Variants in PROM2 observed in about 807,000 individuals in gnomAD.
The protein encoded by PROM2 is prominin 2.
Under a neutral mutation model 110.2 loss-of-function variants are expected in PROM2, and 90 were observed. The ratio of observed to expected loss-of-function variants is 0.82; its 90% CI spans 0.69 to 0.97. The LOEUF (loss-of-function observed/expected upper bound fraction) is 0.97. PROM2 is among the 50% of genes least tolerant of loss of function. The pLI, the probability that PROM2 is intolerant of heterozygous loss-of-function variation, is 0.00. For synonymous variants in PROM2, 470 were observed against 467.8 expected, an observed-to-expected ratio of 1.00 and a Z score of -0.06; for missense variants, 1,009 against 1,074.8, an observed-to-expected ratio of 0.94 and a Z score of 0.86.
chr2:95,284,454 G>C (rs1206233913), intron 14 of PROM2, among the ~76,000 whole-genome samples: 1 of 151,274 alleles, frequency 6.6e-6, no homozygotes, highest in African/African-American at 2.4e-5. Context: ...TTGTGCTATT[G>C]CCCTCCAGCC....
chr2:95,276,551 G>T lies in PROM2; in HGVS notation c.619-43G>T. 6.2e-7 allele frequency: 1 copy of T among 1,613,452 alleles called. No individual in the cohort carries two copies. The highest frequency in any genetic ancestry group is 1.1e-5 in the South Asian group (1 of 91,054). ...AGGGAGAGAAGGGCGTAAGGACTGT[G>T]GGTGACCAGGAAGGGCAGCCTCAGG... is the stretch of plus-strand genomic sequence containing the variant. On this transcript the variant is annotated intron_variant, in intron 4 of 23. Coordinates refer to ENST00000317620, the MANE Select transcript of PROM2 (RefSeq NM_001165978.3). The surrounding 1 kb of genome is among the most constrained non-coding windows in gnomAD (Gnocchi z 4.6).
chr2:95,275,070 A>G lies in PROM2; in HGVS notation c.244+241A>G, dbSNP rs1676569154. On this transcript the variant is annotated intron_variant, in intron 1 of 23. Transcript: ENST00000317620. This position sits in a 1 kb window ranked among gnomAD's most constrained non-coding sequence, Gnocchi z 4.4. ...AGTGAGGAGGTTACATTGGAAATAC[A>G]TTAGACCTGACTCAGACATCCTCTT... 1.2e-5 allele frequency: 6 copies of G among 504,076 alleles called. No homozygotes were observed. The highest frequency in any genetic ancestry group is 2.0e-5 in the Non-Finnish European group (6 of 293,670). The allele number at this position is 504,076 out of a possible 1,614,324, so 31.2% of individuals were successfully genotyped here.
chr2:95,277,328 G>T lies in PROM2; in HGVS notation c.773-36G>T, dbSNP rs368223754. 4 of 1,573,808 alleles carry T rather than the reference G, an allele frequency of 2.5e-6. No individual in the cohort carries two copies. The African/African-American group carries it at 5.4e-5, about 21-fold the overall frequency. On this transcript the variant is annotated intron_variant, in intron 6 of 23. Transcript: ENST00000317620. The stretch of plus-strand genomic sequence containing the variant: ...CTGCAAGGCGTCTGGGGATGCATAT[G>T]GTGGACCCTGCTCAGGCTGGGTGTG...
Position 95,276,237 on chromosome 2 carries a change from G to T in PROM2, c.508G>T (p.Val170Phe). 6.2e-7 allele frequency: 1 copy of T among 1,613,980 alleles called. No individual in the cohort carries two copies. The highest frequency in any genetic ancestry group is 1.1e-5 in the South Asian group (1 of 91,084). The change falls in exon 4 of 24, where the codon GTC becomes TTC. Residue 170 changes from valine to phenylalanine, a missense_variant. By Grantham distance (50) the Val-to-Phe change is conservative. Coordinates refer to ENST00000317620, the MANE Select transcript of PROM2 (RefSeq NM_001165978.3). The surrounding 1 kb of genome is among the most constrained non-coding windows in gnomAD (Gnocchi z 4.6). The stretch of plus-strand genomic sequence containing the variant: ...CCTCCATTCCCACAGGATTGGTGTG[G>T]TCTGTGCCTTTGTCACCAACCAGCG... ...LTTLLLLIGV[V>F]CAFVTNQRTH...
At position 95,278,987 on chromosome 2, in the gene PROM2, C is replaced by T. The variant is rs777962866; in HGVS notation, c.1117C>T (p.Leu373=). ...AMQTSSVVQE[L]KKAVAQQPEG... ...CAAGTCCCTGTTACTTTGGGCAGAGCTGAAGAAGGCAGTGGCCCAGCAGCC... is the reference window on the plus strand; with the variant it reads ...CAAGTCCCTGTTACTTTGGGCAGAGTTGAAGAAGGCAGTGGCCCAGCAGCC... Residue 373 remains leucine, a splice_region_variant and synonymous_variant, in exon 10 of 24, where the codon CTG becomes TTG. Transcript: ENST00000317620. 6.2e-7 allele frequency: 1 copy of T among 1,602,686 alleles called. No individual in the cohort carries two copies. The highest frequency in any genetic ancestry group is 1.1e-5 in the South Asian group (1 of 89,036).
At position 95,274,722 on chromosome 2, in the gene PROM2, G is replaced by C. The variant is rs1285489983; in HGVS notation, c.137G>C (p.Arg46Thr). ...AEHLTFTPAA[R>T]ARWLAPRVRA... Reference sequence around the variant, plus strand: ...CACCTGACATTCACCCCAGCAGCCAGGGCCCGGTGGCTGGCCCCTCGAGTT... The same window carrying C: ...CACCTGACATTCACCCCAGCAGCCACGGCCCGGTGGCTGGCCCCTCGAGTT... The change falls in exon 1 of 24, where the codon AGG becomes ACG. Residue 46 changes from arginine to threonine, a missense_variant. By Grantham distance (71) the Arg-to-Thr change is moderately conservative. Coordinates refer to ENST00000317620, the MANE Select transcript of PROM2 (RefSeq NM_001165978.3). 1.9e-6 allele frequency: 3 copies of C among 1,612,388 alleles called. No individual in the cohort carries two copies. Among genetic ancestry groups the C allele is most frequent in the Non-Finnish European group, 2.5e-6 (3 of 1,179,930 alleles).
At chr2:95,289,065 G>A (rs773611512) in intron 23 of PROM2, 59 bp downstream of exon 23, 1 of 1,362,500 alleles carries the variant, frequency 7.3e-7, no homozygotes, top group Non-Finnish European at 1.0e-6. Context: ...AGTGGGGTGG[G>A]GAGGGGCTGG....
Position 95,278,982 on chromosome 2 carries a change from C to T in PROM2, c.1115-3C>T, listed in dbSNP as rs577775474. The stretch of plus-strand genomic sequence containing the variant: ...TCCCACAAGTCCCTGTTACTTTGGG[C>T]AGAGCTGAAGAAGGCAGTGGCCCAG... On this transcript the variant is annotated splice_polypyrimidine_tract_variant and splice_region_variant and intron_variant, in intron 9 of 23. Transcript: ENST00000317620. 1.9e-6 allele frequency: 3 copies of T among 1,601,266 alleles called. No individual in the cohort carries two copies. The highest frequency in any genetic ancestry group is 4.5e-5 in the East Asian group (2 of 44,718).
intron 12 of PROM2, 37 bp from the exon 13 acceptor site, chr2:95,281,888 C>A (rs1423184233): frequency 1.3e-6 from 2 of 1,520,558 alleles, no homozygotes; most frequent in Non-Finnish European, 1.8e-6. Flanking sequence ...TTGCCCCCAC[C>A]CCGCTCTGTG....
Position 95,276,261 on chromosome 2 carries a change from C to T in PROM2, c.532C>T (p.Arg178Cys), listed in dbSNP as rs775648400. The change falls in exon 4 of 24, where the codon CGC becomes TGC. Residue 178 changes from arginine to cysteine, a missense_variant. Physicochemically the swap from Arg to Cys is radical, Grantham distance 180. Transcript: ENST00000317620. The surrounding 1 kb of genome is among the most constrained non-coding windows in gnomAD (Gnocchi z 4.6). Reference sequence around the variant, plus strand: ...GGTCTGTGCCTTTGTCACCAACCAGCGCACGCATGAACAGATGGGCCCCAG... The same window carrying T: ...GGTCTGTGCCTTTGTCACCAACCAGTGCACGCATGAACAGATGGGCCCCAG... ...GVVCAFVTNQ[R>C]THEQMGPSIE... is the part of the protein sequence containing the mutation. The T allele has an allele frequency of 4.2e-5, 67 of 1,613,846 alleles. No individual in the cohort carries two copies. The highest frequency in any genetic ancestry group is 1.6e-4 in the Middle Eastern group (1 of 6,084).
chr2:95,277,637 A>C, intron 7 of PROM2, 71 bp downstream of exon 7: 1 of 1,384,096 alleles, frequency 7.2e-7, no homozygotes, highest in South Asian at 1.5e-5. Context: ...GGATCTGGCA[A>C]ATTCCCAGTC....
Position 95,286,541 on chromosome 2 carries a change from G to A in PROM2, c.2010G>A (p.Gln670=). 1 of 1,613,790 alleles carries A rather than the reference G, an allele frequency of 6.2e-7. No individual in the cohort carries two copies. Among genetic ancestry groups the A allele is most frequent in the Non-Finnish European group, 8.5e-7 (1 of 1,180,012 alleles). Residue 670 remains glutamine, a synonymous_variant, in exon 17 of 24, where the codon CAG becomes CAA. Coordinates refer to ENST00000317620, the MANE Select transcript of PROM2 (RefSeq NM_001165978.3). ...EEAQGLRNLH[Q]EKVVPQQSLV... Reference sequence around the variant, plus strand: ...CCCAAGGACTCAGAAACCTTCACCAGGAGAAGGTCGTCCCCCAGCAGAGCC... The same window carrying A: ...CCCAAGGACTCAGAAACCTTCACCAAGAGAAGGTCGTCCCCCAGCAGAGCC...
intron 12 of PROM2, 83 bp downstream of exon 12, chr2:95,281,448 G>T (rs1255066273): frequency 2.9e-6 from 4 of 1,388,318 alleles, no homozygotes; most frequent in South Asian, 2.9e-5. Context: ...GGGGGAAAGT[G>T]GGGGTCGGGG....
chr2:95,274,608 TG>T lies in PROM2; in HGVS notation c.25del (p.Ala9LeufsTer12). 6.3e-7 allele frequency: 1 copy of T among 1,597,854 alleles called. No homozygotes were observed. The highest frequency in any genetic ancestry group is 8.5e-7 in the Non-Finnish European group (1 of 1,169,676). ...CCCATGAAGCACACACTGGCTCTGC[TG>T]GCTCCCCTGCTGGGCCTGGGCCTGG... MKHTLAL[L>X]APLLGLGLGL... On this transcript the variant is annotated frameshift_variant, in exon 1 of 24. Transcript: ENST00000317620. LOFTEE classifies it high-confidence loss of function.
chr2:95,284,368 G>A (rs1454217086), intron 14 of PROM2, among the ~76,000 whole-genome samples: 1 of 152,102 alleles, frequency 6.6e-6, no homozygotes, highest in African/African-American at 2.4e-5. Flanking sequence ...TCTTGCACCT[G>A]TAGTCCCAGC....
rs747587472 is a variant in PROM2 at position 95,288,216 on chromosome 2, T to G, written c.2250T>G (p.Thr750=). ...GCCTCATGTTGGCGCCACAGGTGAC[T>G]CAGCGCATTGCCACCTGCCAGCCCC... ...QYVAWVREEV[T]QRIATCQPLS... Residue 750 remains threonine, a synonymous_variant, in exon 21 of 24, where the codon ACT becomes ACG. Transcript: ENST00000317620. 6.2e-7 allele frequency: 1 copy of G among 1,613,554 alleles called. No individual in the cohort carries two copies. Among genetic ancestry groups the G allele is most frequent in the African/African-American group, 1.3e-5 (1 of 74,932 alleles).
chr2:95,289,066 G>GGT, intron 23 of PROM2, 60 bp downstream of exon 23: 1 of 1,042,468 alleles, frequency 9.6e-7, no homozygotes, highest in Non-Finnish European at 1.5e-6. Context: ...GTGGGGTGGG[G>GGT]AGGGGCTGGG....
At position 95,278,305 on chromosome 2, in the gene PROM2, T is replaced by G; in HGVS notation, c.1050+301T>G. 5 of 542,102 alleles carry G rather than the reference T, an allele frequency of 9.2e-6. No individual in the cohort carries two copies. The South Asian group carries it at 1.1e-4, about 12-fold the overall frequency. The allele number at this position is 542,102 out of a possible 1,614,324, so 33.6% of individuals were successfully genotyped here. ...ATGGGCCAAGGGGGAGGATGCGGTG[T>G]TGTGAGTCAGCGCCCAGGACCCAGG... On this transcript the variant is annotated intron_variant, in intron 8 of 23. Coordinates refer to ENST00000317620, the MANE Select transcript of PROM2 (RefSeq NM_001165978.3).
At position 95,279,978 on chromosome 2, in the gene PROM2, G is replaced by A; in HGVS notation, c.1408G>A (p.Gly470Arg). 6.8e-7 allele frequency: 1 copy of A among 1,468,964 alleles called. No individual in the cohort carries two copies. 91.0% of individuals were successfully genotyped at this position (1,468,964 alleles called of 1,614,324 possible). The change falls in exon 11 of 24, where the codon GGA becomes AGA. Residue 470 changes from glycine to arginine, a missense_variant. Gly to Arg is a moderately radical substitution (Grantham distance 125). Coordinates refer to ENST00000317620, the MANE Select transcript of PROM2 (RefSeq NM_001165978.3). ...PSHPEAKGEA[G>R]ARFLMAGVGL... Reference sequence around the variant, plus strand: ...CCACCCAGAAGCCAAGGGCGAGGCTGGAGCCCGCTTCCTCATGGCGTAAGA... The same window carrying A: ...CCACCCAGAAGCCAAGGGCGAGGCTAGAGCCCGCTTCCTCATGGCGTAAGA...
Sources: allele counts gnomAD v4.1 joint callset (sites outside exome capture counted in the v4.1 genomes callset), GRCh38; gene constraint gnomAD v4.1.1; non-coding constraint Gnocchi (gnomAD v3.1); transcripts MANE v1.5; gene names NCBI Gene and HGNC (gene_info 2026-07-23, HGNC 2026-07-21).